Variants in DTNA observed in about 807,000 individuals in gnomAD.
DTNA encodes the protein dystrophin-related protein 3.
Under a neutral mutation model 100.7 loss-of-function variants are expected in DTNA, and 43 were observed. That is an observed-to-expected ratio of 0.43 (90% CI 0.33 to 0.55). The LOEUF (loss-of-function observed/expected upper bound fraction) is 0.55, where lower values mean the gene tolerates loss of function less well. Among genes scored for constraint, DTNA ranks in the 20% least tolerant of loss-of-function variants. The probability of loss-of-function intolerance (pLI) is 0.04; values close to 1 mark genes in which losing one functional copy is unlikely to be tolerated. For synonymous variants in DTNA, 349 were observed against 347.9 expected (o/e 1.00, Z -0.04); for missense variants, 798 against 953.9 (o/e 0.84, Z 2.15).
chr18:34,703,924 A>G (rs1359233377), intron 1 of DTNA, among the ~76,000 whole-genome samples: 1 of 152,078 alleles, frequency 6.6e-6, no homozygotes, highest in South Asian at 2.1e-4. Context: ...GAATTTTGCT[A>G]TGTGTTTTCT....
chr18:34,651,925 A>C (rs977428753), intron 1 of DTNA, among the ~76,000 whole-genome samples: 1 of 152,014 alleles, frequency 6.6e-6, no homozygotes, highest in Non-Finnish European at 1.5e-5. Context: ...TTAGCTGGGC[A>C]TGGTAGCCCA....
intron 7 of DTNA, 196 bp from the exon 8 acceptor site, chr18:34,817,968 T>G: frequency 6.8e-7 from 1 of 1,470,980 alleles, no homozygotes; most frequent in Admixed American, 2.1e-5. Flanking sequence ...CCATTTCATT[T>G]CATTTCCCCA....
rs1311588795 is a variant in DTNA at position 34,538,914 on chromosome 18, A to T, written c.-2+45400A>T. Among the ~76,000 whole-genome samples the T allele has an allele frequency of 1.2e-4, 19 of 152,028 alleles. 1 individual carries two copies. On this transcript the variant is annotated intron_variant, in intron 1 of 19. Coordinates refer to the DTNA transcript ENST00000283365. ...AATTTTGTCCAATTTGCTTATTTAT[A>T]AATTAAAATTTTCTCAACACAAGAG...
At chr18:34,858,212 C>A in intron 15 of DTNA, 73 bp from the exon 16 acceptor site, 1 of 1,409,264 alleles carries the variant, frequency 7.1e-7, no homozygotes, top group Non-Finnish European at 9.9e-7. Flanking sequence ...TTCTGGTGGC[C>A]TTGATCTGCT....
chr18:34,634,824 C>A (rs895834505), intron 1 of DTNA, among the ~76,000 whole-genome samples: 3 of 151,998 alleles, frequency 2.0e-5, no homozygotes, highest in African/African-American at 7.2e-5. Flanking sequence ...GTAGTGAAAA[C>A]ACTTAAAATC....
chr18:34,602,000 C>T (rs373979159), intron 1 of DTNA, among the ~76,000 whole-genome samples: 1 of 152,176 alleles, frequency 6.6e-6, no homozygotes, highest in African/African-American at 2.4e-5. Context: ...TAATCCTCAG[C>T]CCCCACTTTA....
rs1052644442 is a variant in DTNA at position 34,509,315 on chromosome 18, G to C, written c.-2+15801G>C. Reference sequence around the variant, plus strand: ...GTCTTCTTTCTTATAATCATTACTTGGTTGACATTTTTTAAATGTGGTAAT... The same window carrying C: ...GTCTTCTTTCTTATAATCATTACTTCGTTGACATTTTTTAAATGTGGTAAT... On this transcript the variant is annotated intron_variant, in intron 1 of 19. Transcript: ENST00000283365. Among the ~76,000 whole-genome samples, 6 of 152,140 alleles carry C rather than the reference G, an allele frequency of 3.9e-5. No homozygotes were observed. The South Asian group carries it at 1.0e-3, about 26-fold the overall frequency.
rs917272507 is a variant in DTNA at position 34,550,558 on chromosome 18, T to C, written c.-2+57044T>C. Among the ~76,000 whole-genome samples the C allele has an allele frequency of 2.0e-5, 3 of 152,164 alleles. No homozygotes were observed. The East Asian group carries it at 5.8e-4, about 29-fold the overall frequency. ...TGCCTAGTTAAATTCTTAGATGCCT[T>C]TTGAGTCTGAGAATTGTCATTTTGG... On this transcript the variant is annotated intron_variant, in intron 1 of 19. Transcript: ENST00000283365.
intron 16 of DTNA, among the ~76,000 whole-genome samples, 197 bp downstream of exon 16, chr18:34,858,595 C>T (rs2096579977): frequency 6.6e-6 from 1 of 152,114 alleles, no homozygotes; most frequent in African/African-American, 2.4e-5. Context: ...TCATTTGGTA[C>T]AGGGAAAAGC....
intron 1 of DTNA, among the ~76,000 whole-genome samples, chr18:34,626,077 T>A (rs976710868): frequency 6.6e-6 from 1 of 152,174 alleles, no homozygotes. Flanking sequence ...CTAGAAAGAT[T>A]AGGCTTGTGA....
Position 34,864,011 on chromosome 18 carries a change from G to C in DTNA, c.1692G>C (p.Glu564Asp), listed in dbSNP as rs1477078144. ...AACAGAGAATGTCTGCTCTCCAGGAGAGCCGGAGAGAGCTAATGGTCCAGT... is the reference window on the plus strand; with the variant it reads ...AACAGAGAATGTCTGCTCTCCAGGACAGCCGGAGAGAGCTAATGGTCCAGT... The part of the protein sequence containing the change: ...ELEQRMSALQ[E>D]SRRELMVQLE... The change falls in exon 17 of 23, where the codon GAG becomes GAC. Residue 564 changes from glutamate to aspartate, a missense_variant. This residue lies in a region of DTNA where 26 missense variants were observed against 55.0 expected (regional missense o/e 0.47). Transcript: ENST00000444659. The C allele has an allele frequency of 1.9e-6, 3 of 1,612,246 alleles. No individual in the cohort carries two copies. The highest frequency in any genetic ancestry group is 1.3e-5 in the African/African-American group (1 of 74,892).
In DTNA at chr18:34,848,371, G is replaced by A. The variant is rs2096417123; in HGVS notation, c.1422G>A (p.Glu474=). Residue 474 remains glutamate, a synonymous_variant, in exon 14 of 23, where the codon GAG becomes GAA. Transcript: ENST00000444659. ...IARYAARLAA[E]SSSSQPPQQR... is the part of the protein sequence containing the mutation. ...GGTATGCGGCAAGGCTGGCAGCAGA[G>A]TCCTCTTCGTCTGTAAGTAGTTGGA... 1 of 1,613,972 alleles carries A rather than the reference G, an allele frequency of 6.2e-7. No individual in the cohort carries two copies.
chr18:34,608,275 T>G (rs2053538476), intron 1 of DTNA, among the ~76,000 whole-genome samples: 1 of 152,214 alleles, frequency 6.6e-6, no homozygotes, highest in South Asian at 2.1e-4. Context: ...GCTATCACGG[T>G]CAGGAGTAGT....
chr18:34,502,743 T>G (rs901106432), intron 1 of DTNA, among the ~76,000 whole-genome samples: 15 of 152,238 alleles, frequency 9.9e-5, no homozygotes, highest in Admixed American at 4.6e-4. Context: ...ATTTCAATTC[T>G]TTTAATTTGT....
intron 13 of DTNA, among the ~76,000 whole-genome samples, chr18:34,847,608 A>T (rs77294098): frequency 3.3e-4 from 50 of 152,250 alleles, no homozygotes; most frequent in Non-Finnish European, 7.1e-4. Flanking sequence ...ATCCATTCAC[A>T]TGGTAATTGG....
At chr18:34,561,181 T>C (rs915435588) in intron 1 of DTNA, among the ~76,000 whole-genome samples, 2 of 152,188 alleles carry the variant, frequency 1.3e-5, no homozygotes, top group Non-Finnish European at 2.9e-5. Context: ...TACAACTATA[T>C]ACTACAACAA....
At chr18:34,750,373 A>AT (rs2092198764) in intron 1 of DTNA, among the ~76,000 whole-genome samples, 1 of 152,190 alleles carries the variant, frequency 6.6e-6, no homozygotes, top group Non-Finnish European at 1.5e-5. Flanking sequence ...GAAATAATAC[A>AT]TAAAGGAACT....
chr18:34,844,668 A>G (rs2096342612), intron 13 of DTNA, among the ~76,000 whole-genome samples: 1 of 152,130 alleles, frequency 6.6e-6, no homozygotes, highest in Non-Finnish European at 1.5e-5. Context: ...ATGAAAAGAA[A>G]ATATAGAAGC....
chr18:34,681,496 T>C (rs1464038038), intron 1 of DTNA, among the ~76,000 whole-genome samples: 2 of 152,120 alleles, frequency 1.3e-5, no homozygotes, highest in Non-Finnish European at 2.9e-5. Context: ...CACGTGAGCT[T>C]CCAGTCATTC....
Sources: gnomAD v4.1 joint callset for allele counts (sites outside exome capture counted in the v4.1 genomes callset) on GRCh38, gnomAD v4.1.1 for gene constraint, gnomAD v4.1.1 regional missense constraint, MANE v1.5 for transcripts, NCBI Gene and HGNC (gene_info 2026-07-23, HGNC 2026-07-21) for gene names.